The following FHIT variants were observed in gnomAD, a reference collection of about 807,000 sequenced individuals.
FHIT encodes bis(5'-adenosyl)-triphosphatase.
A neutral mutation model predicts 17.9 loss-of-function variants in FHIT; 19 were observed. The ratio of observed to expected loss-of-function variants is 1.06; its 90% CI spans 0.74 to 1.56. The LOEUF (loss-of-function observed/expected upper bound fraction) is 1.56. Among genes scored for constraint, FHIT ranks in the 40% most tolerant of loss-of-function variants. The pLI, the probability that FHIT is intolerant of heterozygous loss-of-function variation, is 0.00. For missense variants in FHIT, 248 were observed against 189.2 expected, an observed-to-expected ratio of 1.31 and a Z score of -1.82; for synonymous variants, 81 against 69.7, an observed-to-expected ratio of 1.16 and a Z score of -0.81.
At chr3:60,201,537 C>A (rs978679343) in intron 5 of FHIT, among the ~76,000 whole-genome samples, 1 of 151,940 alleles carries the variant, frequency 6.6e-6, no homozygotes, top group Non-Finnish European at 1.5e-5. Context: ...AACCACCCTA[C>A]CCCCCAAAAA....
rs184617197 is a variant in FHIT, at chr3:60,710,725, C to T, written c.-18+111194G>A. Among the ~76,000 whole-genome samples the T allele has an allele frequency of 6.6e-3, 1,008 of 152,280 alleles. 10 individuals are homozygous for T. The highest frequency in any genetic ancestry group is 0.023 in the African/African-American group (959 of 41,576). On this transcript the variant is annotated intron_variant, in intron 4 of 9. Coordinates refer to ENST00000492590, the MANE Select transcript of FHIT (RefSeq NM_002012.4). ...GGCGGCAGCGAGGCTGGGGAAGGGG[C>T]GACCGCCATTGCCCAGGCTCACTTA...
intron 5 of FHIT, among the ~76,000 whole-genome samples, chr3:60,216,092 G>C (rs1188976045): frequency 6.6e-6 from 1 of 152,098 alleles, no homozygotes. Flanking sequence ...ATCAAAGGGG[G>C]ATCAACACTG....
chr3:61,218,184 G>C lies in FHIT; in HGVS notation c.-212-17519C>G, dbSNP rs187262753. 1.9e-3 allele frequency among the ~76,000 whole-genome samples: 295 copies of C among 152,262 alleles called. 1 individual carries two copies. The highest frequency in any genetic ancestry group is 0.01 in the Admixed American group (159 of 15,290). ...TCCAGGGAGTCAGTATAAGTAGAAA[G>C]ACAAAAGGGCCTAGGACTGATCCGT... is the stretch of plus-strand genomic sequence containing the variant. On this transcript the variant is annotated intron_variant, in intron 1 of 9. Coordinates refer to ENST00000492590, the MANE Select transcript of FHIT (RefSeq NM_002012.4).
intron 8 of FHIT, among the ~76,000 whole-genome samples, chr3:59,872,763 C>A (rs1199980409): frequency 6.6e-6 from 1 of 152,160 alleles, no homozygotes; most frequent in Non-Finnish European, 1.5e-5. Context: ...AGCTGTGTAG[C>A]CTGAGCTTAG....
At chr3:60,798,926 T>G (rs373650946) in intron 4 of FHIT, among the ~76,000 whole-genome samples, 7 of 151,614 alleles carry the variant, frequency 4.6e-5, no homozygotes, top group South Asian at 2.1e-4. Context: ...CCCTGCTAGT[T>G]TTTGTATTTT....
chr3:60,801,871 T>G (rs781877191), intron 4 of FHIT, among the ~76,000 whole-genome samples: 1 of 152,214 alleles, frequency 6.6e-6, no homozygotes, highest in Non-Finnish European at 1.5e-5. Context: ...CTGAACAACA[T>G]TTTTAATGGC....
At chr3:59,959,481 C>T (rs550144861) in intron 7 of FHIT, among the ~76,000 whole-genome samples, 1 of 152,182 alleles carries the variant, frequency 6.6e-6, no homozygotes, top group Non-Finnish European at 1.5e-5. Flanking sequence ...AGGATACCAG[C>T]TCACAACTCA....
intron 5 of FHIT, among the ~76,000 whole-genome samples, chr3:60,281,464 G>A (rs1707447832): frequency 1.3e-5 from 2 of 152,062 alleles, no homozygotes; most frequent in African/African-American, 4.8e-5. Flanking sequence ...AAGACAGCAT[G>A]GTACTGGTGA....
intron 7 of FHIT, among the ~76,000 whole-genome samples, chr3:59,968,033 T>A (rs1708009044): frequency 6.6e-6 from 1 of 152,078 alleles, no homozygotes; most frequent in Non-Finnish European, 1.5e-5. Flanking sequence ...CAAGCAAGAG[T>A]AATATAGTAA....
At chr3:60,584,891 CTGAT>C (rs1246057415) in intron 4 of FHIT, among the ~76,000 whole-genome samples, 1 of 151,996 alleles carries the variant, frequency 6.6e-6, no homozygotes, top group Non-Finnish European at 1.5e-5. Flanking sequence ...AAGAGGCTCT[CTGAT>C]TATTTCTGGT....
chr3:60,987,079 T>C lies in FHIT; in HGVS notation c.-111+54968A>G, dbSNP rs1291514144. Among the ~76,000 whole-genome samples, 9 of 152,276 alleles carry C rather than the reference T, an allele frequency of 5.9e-5. No individual in the cohort carries two copies. In the South Asian group the frequency reaches 1.0e-3, roughly 18 times the overall value. ...GAGAGATGAGACCATATGTGAGCAG[T>C]TGGAATTAAGTCAGTCAAGTTGAAG... On this transcript the variant is annotated intron_variant, in intron 3 of 9. Transcript: ENST00000492590.
At chr3:60,392,635 C>G (rs909158626) in intron 5 of FHIT, among the ~76,000 whole-genome samples, 1 of 152,170 alleles carries the variant, frequency 6.6e-6, no homozygotes, top group African/African-American at 2.4e-5. Flanking sequence ...CAGCTGCAGA[C>G]AAGAGCTTTC....
At chr3:60,114,056 T>C (rs1358453275) in intron 5 of FHIT, among the ~76,000 whole-genome samples, 2 of 91,794 alleles carry the variant, frequency 2.2e-5, no homozygotes, top group African/African-American at 9.1e-5. Context: ...TATATATATA[T>C]ATATATATAT....
chr3:60,703,070 T>C (rs552744564), intron 4 of FHIT, among the ~76,000 whole-genome samples: 1 of 152,300 alleles, frequency 6.6e-6, no homozygotes, highest in East Asian at 1.9e-4. Context: ...TTAGAGGTCA[T>C]AAGGGATTAG....
At chr3:60,479,949 A>G (rs1247309157) in intron 5 of FHIT, among the ~76,000 whole-genome samples, 4 of 152,214 alleles carry the variant, frequency 2.6e-5, no homozygotes, top group African/African-American at 9.7e-5. Context: ...ATAATACTTG[A>G]TAATGATAAT....
intron 5 of FHIT, among the ~76,000 whole-genome samples, chr3:60,162,231 T>A (rs1700972144): frequency 1.3e-5 from 2 of 152,168 alleles, no homozygotes; most frequent in African/African-American, 4.8e-5. Flanking sequence ...ATTTTCAATA[T>A]TTTTTAAAAT....
chr3:61,124,557 G>A (rs2106934121), intron 2 of FHIT, among the ~76,000 whole-genome samples: 1 of 152,252 alleles, frequency 6.6e-6, no homozygotes, highest in South Asian at 2.1e-4. Context: ...GTTGGGAAGA[G>A]AAGCTTATAA....
chr3:61,189,086 G>A (rs962406754), intron 2 of FHIT, among the ~76,000 whole-genome samples: 14 of 152,184 alleles, frequency 9.2e-5, no homozygotes, highest in Admixed American at 2.6e-4. Context: ...TGGCCAGGGC[G>A]ATCAGGCAGG....
intron 4 of FHIT, among the ~76,000 whole-genome samples, chr3:60,653,060 C>G (rs575319589): frequency 2.6e-5 from 4 of 152,078 alleles, no homozygotes; most frequent in Admixed American, 2.6e-4. Context: ...AAAAATAGAC[C>G]GCAACAATAG....
Sources: gnomAD v4.1 joint callset for allele counts (sites outside exome capture counted in the v4.1 genomes callset) on GRCh38, gnomAD v4.1.1 for gene constraint, MANE v1.5 for transcripts, NCBI Gene and HGNC (gene_info 2026-07-23, HGNC 2026-07-21) for gene names.